Variants in MCUB observed in about 807,000 individuals in gnomAD.
MCUB encodes calcium uniporter regulatory subunit MCUb, mitochondrial.
In MCUB, 46 loss-of-function variants were observed where a neutral mutation model predicts 41.4. The ratio of observed to expected loss-of-function variants is 1.11; its 90% confidence interval spans 0.88 to 1.42. The LOEUF is 1.42. Ranked by LOEUF, MCUB falls within the 40% of genes most tolerant of loss-of-function variation. The probability of loss-of-function intolerance (pLI) is 0.00; values close to 1 mark genes in which losing one functional copy is unlikely to be tolerated. For synonymous variants in MCUB, 148 were observed against 148.2 expected (o/e 1.00, Z 0.01); for missense variants, 403 against 404.9 (o/e 1.00, Z 0.04).
chr4:109,671,982 T>G (rs1729468422), intron 4 of MCUB, among the ~76,000 whole-genome samples: 1 of 152,112 alleles, frequency 6.6e-6, no homozygotes, highest in East Asian at 1.9e-4. Context: ...ATAAATTCTT[T>G]CTCAAATAGA....
At chr4:109,633,700 T>C (rs1278432875) in intron 1 of MCUB, among the ~76,000 whole-genome samples, 1 of 152,242 alleles carries the variant, frequency 6.6e-6, no homozygotes, top group Non-Finnish European at 1.5e-5. Context: ...CATGTGGCTC[T>C]CAGCCTTCTA....
intron 1 of MCUB, among the ~76,000 whole-genome samples, chr4:109,591,004 A>G (rs1727424203): frequency 6.6e-6 from 1 of 152,080 alleles, no homozygotes; most frequent in African/African-American, 2.4e-5. Context: ...AAAATCTCAA[A>G]TGTTCCTTCA....
In MCUB at chr4:109,655,082, T is replaced by G. The variant is rs368531780; in HGVS notation, c.100-3929T>G. ...TGACCCCCTCCTCAACCTCAGCTAT[T>G]TACTAAAATTGCTCACAAAACTCAA... On this transcript the variant is annotated intron_variant, in intron 1 of 7. Transcript: ENST00000394650. 6.6e-5 allele frequency among the ~76,000 whole-genome samples: 10 copies of G among 152,312 alleles called. No homozygotes were observed. In the East Asian group the frequency reaches 1.7e-3, roughly 26 times the overall value.
rs149472081 is a variant in MCUB, at chr4:109,618,579, A to G, written c.100-40432A>G. The stretch of plus-strand genomic sequence containing the variant: ...TTTTTTGTTTATTATGCTTCTTCTT[A>G]AATTCATATGATATACTTTAACGTA... On this transcript the variant is annotated intron_variant, in intron 1 of 7. Transcript: ENST00000394650. Among the ~76,000 whole-genome samples the G allele has an allele frequency of 3.7e-3, 561 of 152,370 alleles. 7 individuals are homozygous for G. The highest frequency in any genetic ancestry group is 0.015 in the East Asian group (78 of 5,186).
chr4:109,601,608 A>G (rs1453526684), intron 1 of MCUB, among the ~76,000 whole-genome samples: 2 of 152,070 alleles, frequency 1.3e-5, no homozygotes, highest in Non-Finnish European at 1.5e-5. Flanking sequence ...TCTGCTGTGT[A>G]TATATACCAC....
chr4:109,646,451 C>T (rs1282099722), intron 1 of MCUB, among the ~76,000 whole-genome samples: 2 of 152,106 alleles, frequency 1.3e-5, no homozygotes, highest in African/African-American at 4.8e-5. Flanking sequence ...TGCTCTGGGC[C>T]GGGTCACCAC....
chr4:109,608,369 C>CT (rs1166578223), intron 1 of MCUB, among the ~76,000 whole-genome samples: 1 of 152,122 alleles, frequency 6.6e-6, no homozygotes, highest in African/African-American at 2.4e-5. Context: ...TCATGTATCT[C>CT]TGTTTCTTCA....
At chr4:109,598,742 A>C (rs1044209682) in intron 1 of MCUB, among the ~76,000 whole-genome samples, 1 of 152,208 alleles carries the variant, frequency 6.6e-6, no homozygotes, top group Non-Finnish European at 1.5e-5. Flanking sequence ...TTGTCCGAGA[A>C]CATCAAGCTG....
intron 1 of MCUB, among the ~76,000 whole-genome samples, chr4:109,591,213 T>A (rs1273735754): frequency 6.6e-6 from 1 of 151,640 alleles, no homozygotes; most frequent in African/African-American, 2.4e-5. Context: ...TTTGAGACAG[T>A]CTCACTCTGT....
At chr4:109,655,002 A>G (rs1194404048) in intron 1 of MCUB, among the ~76,000 whole-genome samples, 1 of 152,198 alleles carries the variant, frequency 6.6e-6, no homozygotes, top group Non-Finnish European at 1.5e-5. Context: ...GATGCCAATT[A>G]TAAGTCCTGG....
chr4:109,636,088 G>A (rs560987380), intron 1 of MCUB, among the ~76,000 whole-genome samples: 3 of 152,260 alleles, frequency 2.0e-5, no homozygotes, highest in South Asian at 2.1e-4. Context: ...ATCTAATTCC[G>A]GGACTGGGTA....
intron 1 of MCUB, among the ~76,000 whole-genome samples, chr4:109,617,336 G>C (rs1377444741): frequency 1.3e-5 from 2 of 152,170 alleles, no homozygotes. Flanking sequence ...CTCTGACCTT[G>C]TATACTACAC....
At chr4:109,650,987 T>C (rs1258490969) in intron 1 of MCUB, among the ~76,000 whole-genome samples, 1 of 152,228 alleles carries the variant, frequency 6.6e-6, no homozygotes, top group Non-Finnish European at 1.5e-5. Flanking sequence ...CATTGCATGA[T>C]TTCAACTCAC....
chr4:109,647,517 A>AT (rs1221402237), intron 1 of MCUB, among the ~76,000 whole-genome samples: 3 of 152,154 alleles, frequency 2.0e-5, no homozygotes, highest in Admixed American at 2.0e-4. Context: ...TTGATAGCTC[A>AT]TTTCGTTTTA....
intron 1 of MCUB, among the ~76,000 whole-genome samples, chr4:109,579,980 C>T (rs759774912): frequency 2.0e-5 from 3 of 152,048 alleles, no homozygotes; most frequent in Admixed American, 6.6e-5. Context: ...TTTGCTACAC[C>T]CATTAACTCG....
At chr4:109,587,074 C>T (rs572177559) in intron 1 of MCUB, among the ~76,000 whole-genome samples, 149 of 152,376 alleles carry the variant, frequency 9.8e-4, no homozygotes, top group South Asian at 4.1e-3. Flanking sequence ...GTGGAGTCTA[C>T]AGAGGCAGCA....
At chr4:109,636,797 C>T (rs12331696) in intron 1 of MCUB, among the ~76,000 whole-genome samples, 27,891 of 152,036 alleles carry the variant, frequency 0.18, 3,853 homozygotes, top group African/African-American at 0.39. Flanking sequence ...ATCGTGCCAC[C>T]GCACTCCAGC....
Position 109,687,720 on chromosome 4 carries a change from T to C in MCUB, c.*128T>C, listed in dbSNP as rs1729883230. The stretch of plus-strand genomic sequence containing the variant: ...ATTAAATTCTTGTAAAACAGAAGTA[T>C]TGTTTGAAGTTCTCAACTGAGATTT... On this transcript the variant is annotated 3_prime_UTR_variant, in exon 8 of 8. Transcript: ENST00000394650. The C allele has an allele frequency of 1.5e-6, 1 of 646,318 alleles. No homozygotes were observed. 40.0% of individuals were successfully genotyped at this position (646,318 alleles called of 1,614,324 possible). A position where few individuals can be genotyped will look rare whatever the true frequency, so the allele number is the denominator to read the frequency against.
chr4:109,602,136 G>A (rs977556160), intron 1 of MCUB, among the ~76,000 whole-genome samples: 2 of 152,118 alleles, frequency 1.3e-5, no homozygotes, highest in African/African-American at 4.8e-5. Context: ...CAGATGGGTA[G>A]TTTACAGATA....
Sources: allele counts gnomAD v4.1 joint callset (sites outside exome capture counted in the v4.1 genomes callset), GRCh38; gene constraint gnomAD v4.1.1; transcripts MANE v1.5; gene names NCBI Gene and HGNC (gene_info 2026-07-23, HGNC 2026-07-21).